Variants in LRTM2 observed in about 807,000 individuals in gnomAD.
LRTM2 encodes the protein leucine rich repeat transmembrane protein 2, also known as leucine-rich repeat and transmembrane domain-containing protein 2.
Under a neutral mutation model 28.1 loss-of-function variants are expected in LRTM2, and 18 were observed. The observed-to-expected ratio is 0.64, with a 90% CI of 0.44 to 0.95. The LOEUF is 0.95. Among genes scored for constraint, LRTM2 ranks in the 40% least tolerant of loss-of-function variants. The pLI is 0.00. For synonymous variants in LRTM2, 250 were observed against 218.7 expected (o/e 1.14, Z -1.26); for missense variants, 436 against 497.2 (o/e 0.88, Z 1.17).
Position 1,828,101 on chromosome 12 carries a change from C to A in LRTM2, c.-48C>A. ...GACTGACAGGCGGCGCACCCAGGGG[C>A]TCCTCTCTCCCCAGAGCGACAGGGC... On this transcript the variant is annotated 5_prime_UTR_variant, in exon 3 of 5. Transcript: ENST00000299194. The surrounding 1 kb of genome is among the most constrained non-coding windows in gnomAD (Gnocchi z 4.2). 1.4e-6 allele frequency: 2 copies of A among 1,469,964 alleles called. No homozygotes were observed. Among genetic ancestry groups the A allele is most frequent in the Non-Finnish European group, 1.8e-6 (2 of 1,105,460 alleles). The allele number at this position is 1,469,964 out of a possible 1,614,324, so 91.1% of individuals were successfully genotyped here. A position where few individuals can be genotyped will look rare whatever the true frequency, so the allele number is the denominator to read the frequency against.
intron 3 of LRTM2, among the ~76,000 whole-genome samples, chr12:1,830,075 C>T (rs930060184): frequency 2.7e-4 from 41 of 152,370 alleles, no homozygotes; most frequent in Middle Eastern, 3.4e-3. Context: ...GACCAGGAAA[C>T]GAATTCTATT....
intron 1 of LRTM2, among the ~76,000 whole-genome samples, chr12:1,823,616 A>T (rs1864200136): frequency 6.8e-6 from 1 of 146,076 alleles, no homozygotes; most frequent in South Asian, 2.2e-4. Flanking sequence ...CCCTCACCTC[A>T]GCACACAACC....
chr12:1,830,724 C>T (rs1864583525), intron 3 of LRTM2, among the ~76,000 whole-genome samples: 1 of 152,216 alleles, frequency 6.6e-6, no homozygotes, highest in Non-Finnish European at 1.5e-5. Flanking sequence ...GGGCGCCCTG[C>T]AGACACTGTG....
chr12:1,831,111 G>A lies in LRTM2; in HGVS notation c.244G>A (p.Ala82Thr), dbSNP rs1864606099. ...TLLLLNNKLS[A>T]LPSWAFANLS... ...CTTGCTCTTGAACAATAAGCTGAGT[G>A]CCCTGCCAAGCTGGGCTTTCGCCAA... Residue 82 changes from alanine to threonine, a missense_variant, in exon 4 of 5, where the codon GCC becomes ACC. Ala to Thr is a moderately conservative substitution (Grantham distance 58). Coordinates refer to ENST00000299194, the MANE Select transcript of LRTM2 (RefSeq NM_001039029.3). 1.9e-6 allele frequency: 3 copies of A among 1,613,788 alleles called. No individual in the cohort carries two copies. Among genetic ancestry groups the A allele is most frequent in the Non-Finnish European group, 1.7e-6 (2 of 1,180,052 alleles).
chr12:1,827,897 C>A, intron 2 of LRTM2, 179 bp from the exon 3 acceptor site: 1 of 402,176 alleles, frequency 2.5e-6, no homozygotes, highest in Non-Finnish European at 4.4e-6. Context: ...TGCCCCGCCC[C>A]CATCCCAGGG....
Position 1,834,622 on chromosome 12 carries a change from C to T in LRTM2, c.1014C>T (p.Leu338=). Residue 338 remains leucine (L), a synonymous_variant, in exon 5 of 5, where the codon CTC becomes CTT. Transcript: ENST00000299194. This position sits in a 1 kb window ranked among gnomAD's most constrained non-coding sequence, Gnocchi z 7.6. ...AAAYGCIYAS[L]MAKYHRELKK... ...CCTATGGCTGCATCTACGCCTCCCT[C>T]ATGGCCAAGTACCACCGGGAGCTCA... The T allele has an allele frequency of 6.2e-7, 1 of 1,600,182 alleles. No homozygotes were observed. Among genetic ancestry groups the T allele is most frequent in the Non-Finnish European group, 8.5e-7 (1 of 1,179,918 alleles).
rs77796029 is a variant in LRTM2 at position 1,821,079 on chromosome 12, G to A, written c.-259+265G>A. On this transcript the variant is annotated intron_variant, in intron 1 of 4. Coordinates refer to ENST00000299194, the MANE Select transcript of LRTM2 (RefSeq NM_001039029.3). ...GCTGGGAAGTGGGGAGGAGGGCAGC[G>A]CTGGCGCCAGATGACAGTCCCGGGT... is the stretch of plus-strand genomic sequence containing the variant. Among the ~76,000 whole-genome samples, 30 of 152,348 alleles carry A rather than the reference G, an allele frequency of 2.0e-4. 1 individual carries two copies. The East Asian group carries it at 5.6e-3, about 28-fold the overall frequency.
At position 1,834,683 on chromosome 12, in the gene LRTM2, G is replaced by T; in HGVS notation, c.1075G>T (p.Glu359Ter). The T allele has an allele frequency of 6.2e-7, 1 of 1,601,882 alleles. No homozygotes were observed. The change falls in exon 5 of 5, where the codon GAG (glutamate) becomes TAG (stop). Residue 359 changes from glutamate to a stop codon, truncating the protein, a stop_gained. Transcript: ENST00000299194. LOFTEE classifies it high-confidence loss of function. This position sits in a 1 kb window ranked among gnomAD's most constrained non-coding sequence, Gnocchi z 7.6. ...GCCCCTGATGGGGGACCCCGAGGGC[G>T]AGCACGAGGACCAGAAGCAGATCTC... ...RQPLMGDPEG[E>*]HEDQKQISSV...
At chr12:1,830,900 T>C (rs771923957) in intron 3 of LRTM2, 35 bp from the exon 4 acceptor site, 3 of 1,542,854 alleles carry the variant, frequency 1.9e-6, no homozygotes, top group Non-Finnish European at 1.8e-6. Flanking sequence ...ACCCGTCCTA[T>C]TGCTTTCTTT....
chr12:1,834,885 G>A lies in LRTM2; in HGVS notation c.*164G>A, dbSNP rs982020636. On this transcript the variant is annotated 3_prime_UTR_variant, in exon 5 of 5. Transcript: ENST00000299194. This position sits in a 1 kb window ranked among gnomAD's most constrained non-coding sequence, Gnocchi z 7.6. ...CACCGGGTTCTCTCCCTGCACTTTC[G>A]AGGCTCCCTGAAAGCCACCGTGCTG... is the stretch of plus-strand genomic sequence containing the variant. 56 of 1,358,028 alleles carry A rather than the reference G, an allele frequency of 4.1e-5. No homozygotes were observed. Among genetic ancestry groups the A allele is most frequent in the Middle Eastern group, 2.7e-4 (1 of 3,728 alleles). The allele number at this position is 1,358,028 out of a possible 1,614,324, so 84.1% of individuals were successfully genotyped here.
chr12:1,832,376 G>T (rs1337185117), intron 4 of LRTM2, among the ~76,000 whole-genome samples: 1 of 152,238 alleles, frequency 6.6e-6, no homozygotes, highest in Non-Finnish European at 1.5e-5. Context: ...CGTGGCTTGA[G>T]AGGTGCCCAG....
In LRTM2 at chr12:1,831,517, C is replaced by T. The variant is rs1377770531; in HGVS notation, c.650C>T (p.Ser217Phe). ...TTCAAACACTGGATGGAGTGGTTCT[C>T]CTACCGAGGTGAGCGCAGCCGGCCC... The part of the protein sequence containing the change: ...REFKHWMEWF[S>F]YRGGRLDQLA... The change falls in exon 4 of 5, where the codon TCC (serine) becomes TTC (phenylalanine). Residue 217 changes from serine (S) to phenylalanine (F), a missense_variant. Ser to Phe is a radical substitution (Grantham distance 155). Coordinates refer to ENST00000299194, the MANE Select transcript of LRTM2 (RefSeq NM_001039029.3). 2 of 1,611,926 alleles carry T rather than the reference C, an allele frequency of 1.2e-6. No individual in the cohort carries two copies. The highest frequency in any genetic ancestry group is 1.7e-5 in the Admixed American group (1 of 59,950).
At chr12:1,825,581 C>T (rs926040712) in intron 1 of LRTM2, among the ~76,000 whole-genome samples, 1 of 152,212 alleles carries the variant, frequency 6.6e-6, no homozygotes, top group Admixed American at 6.5e-5. Context: ...TGCTGGAGTG[C>T]TGCCAGCCAG....
chr12:1,834,646 CA>C lies in LRTM2; in HGVS notation c.1043del (p.Lys348SerfsTer5). ...TCATGGCCAAGTACCACCGGGAGCT[CA>C]AAAAGCGCCAGCCCCTGATGGGGGA... ...SLMAKYHREL[K>X]KRQPLMGDPE... On this transcript the variant is annotated frameshift_variant, in exon 5 of 5. Transcript: ENST00000299194. LOFTEE classifies it high-confidence loss of function. This position sits in a 1 kb window ranked among gnomAD's most constrained non-coding sequence, Gnocchi z 7.6. The C allele has an allele frequency of 6.2e-7, 1 of 1,600,758 alleles. No homozygotes were observed.
rs766798117 is a variant in LRTM2, at chr12:1,834,327, G to A, written c.719G>A (p.Arg240Gln). The change falls in exon 5 of 5, where the codon CGG becomes CAG. Residue 240 changes from arginine (R) to glutamine (Q), a missense_variant. Transcript: ENST00000299194. The surrounding 1 kb of genome is among the most constrained non-coding windows in gnomAD (Gnocchi z 7.6). The stretch of plus-strand genomic sequence containing the variant: ...AAGGAGCTGAGGGGGAAGGACATGC[G>A]GATGGTCCCCATGGAGATGTTCAAC... ...LPKELRGKDM[R>Q]MVPMEMFNYC... The A allele has an allele frequency of 2.2e-5, 35 of 1,611,240 alleles. No individual in the cohort carries two copies. The highest frequency in any genetic ancestry group is 3.3e-5 in the Admixed American group (2 of 59,888).
In LRTM2 at chr12:1,831,361, C is replaced by T. The variant is rs774455992; in HGVS notation, c.494C>T (p.Ala165Val). The change falls in exon 4 of 5, where the codon GCT (alanine) becomes GTT (valine). Residue 165 changes from alanine to valine, a missense_variant. Transcript: ENST00000299194. ...LPPGLFDGLL[A>V]LRSLSLRSNR... is the part of the protein sequence containing the mutation. ...CCTGGTCTTTTCGACGGGCTCCTGG[C>T]TCTGCGCTCCCTCTCGCTTCGCTCC... is the stretch of plus-strand genomic sequence containing the variant. 3.7e-6 allele frequency: 6 copies of T among 1,614,000 alleles called. No homozygotes were observed. In the Admixed American group the frequency reaches 8.3e-5, roughly 22 times the overall value.
chr12:1,823,726 C>T (rs1337391341), intron 1 of LRTM2, among the ~76,000 whole-genome samples: 3 of 152,232 alleles, frequency 2.0e-5, no homozygotes, highest in Admixed American at 1.3e-4. Context: ...ACCTGTCTTG[C>T]TTGCATCTCA....
intron 1 of LRTM2, among the ~76,000 whole-genome samples, chr12:1,826,965 A>G (rs1381227031): frequency 6.6e-6 from 1 of 152,210 alleles, no homozygotes; most frequent in South Asian, 2.1e-4. Flanking sequence ...CCAGAATTCC[A>G]TAGGCCCATG....
rs780080486 is a variant in LRTM2 at position 1,834,715 on chromosome 12, G to A, written c.1107G>A (p.Val369=). 19 of 1,589,530 alleles carry A rather than the reference G, an allele frequency of 1.2e-5. 1 individual carries two copies. Among genetic ancestry groups the A allele is most frequent in the Non-Finnish European group, 1.5e-5 (18 of 1,170,676 alleles). Residue 369 remains valine (V), a synonymous_variant, in exon 5 of 5, where the codon GTG becomes GTA. Coordinates refer to ENST00000299194, the MANE Select transcript of LRTM2 (RefSeq NM_001039029.3). The surrounding 1 kb of genome is among the most constrained non-coding windows in gnomAD (Gnocchi z 7.6). ...AGGACCAGAAGCAGATCTCTTCTGT[G>A]GCCTGAGCGCCCATCCCCACCCGGC... ...EHEDQKQISS[V]A is the part of the protein sequence containing the mutation.
Sources: gnomAD v4.1 joint callset for allele counts (sites outside exome capture counted in the v4.1 genomes callset) on GRCh38, gnomAD v4.1.1 for gene constraint, Gnocchi (gnomAD v3.1) non-coding constraint, MANE v1.5 for transcripts, NCBI Gene and HGNC (gene_info 2026-07-23, HGNC 2026-07-21) for gene names.